Variants in CDK15 observed in about 807,000 individuals in gnomAD.
The protein encoded by CDK15 is cyclin dependent kinase 15, also known as cyclin-dependent kinase 15.
In CDK15, 62 loss-of-function variants were observed where a neutral mutation model predicts 60.3. The ratio of observed to expected loss-of-function variants is 1.03; its 90% CI spans 0.84 to 1.27. CDK15 has a LOEUF of 1.27. Among genes scored for constraint, CDK15 ranks in the 50% most tolerant of loss-of-function variants. The pLI is 0.00. For synonymous variants in CDK15, 194 were observed against 195.7 expected, an observed-to-expected ratio of 0.99 and a Z score of 0.07; for missense variants, 541 against 527.8, an observed-to-expected ratio of 1.03 and a Z score of -0.25.
chr2:201,877,654 T>G (rs1218617447), intron 11 of CDK15, among the ~76,000 whole-genome samples: 1 of 152,174 alleles, frequency 6.6e-6, no homozygotes, highest in Non-Finnish European at 1.5e-5. Flanking sequence ...AAAAAACCTC[T>G]GCCTGGACAG....
intron 10 of CDK15, among the ~76,000 whole-genome samples, chr2:201,866,462 T>C (rs1272306819): frequency 6.6e-6 from 1 of 152,196 alleles, no homozygotes; most frequent in Non-Finnish European, 1.5e-5. Flanking sequence ...TTGATTTCAC[T>C]CCACTTAGTT....
chr2:201,861,288 A>T (rs554783272), intron 10 of CDK15: 2 of 995,116 alleles, frequency 2.0e-6, no homozygotes, highest in Non-Finnish European at 2.4e-6. Context: ...GCCTGCCAAG[A>T]TCGATGCTGG....
At chr2:201,823,560 T>G in intron 5 of CDK15, 105 bp from the exon 6 acceptor site, 1 of 1,024,330 alleles carries the variant, frequency 9.8e-7, no homozygotes. Flanking sequence ...CTTAAAATTC[T>G]GTACTTCGTA....
chr2:201,849,129 T>C (rs1697795271), intron 9 of CDK15, among the ~76,000 whole-genome samples: 1 of 152,238 alleles, frequency 6.6e-6, no homozygotes, highest in Admixed American at 6.5e-5. Flanking sequence ...ATGTAGTCCC[T>C]CTGAACTTTC....
chr2:201,859,232 G>T (rs1048267535), intron 10 of CDK15, among the ~76,000 whole-genome samples: 1 of 152,196 alleles, frequency 6.6e-6, no homozygotes, highest in Non-Finnish European at 1.5e-5. Flanking sequence ...TAGCTAGAAT[G>T]GACAGGAGTT....
At chr2:201,852,216 A>G (rs1697941685) in intron 9 of CDK15, among the ~76,000 whole-genome samples, 1 of 152,206 alleles carries the variant, frequency 6.6e-6, no homozygotes, top group African/African-American at 2.4e-5. Context: ...TTTGTGTTTT[A>G]CTAAACGTAG....
chr2:201,860,747 G>A (rs1698355706), intron 10 of CDK15: 1 of 1,352,010 alleles, frequency 7.4e-7, no homozygotes, highest in Non-Finnish European at 9.8e-7. Context: ...CCAGGTGGAA[G>A]CAAGAAACAG....
intron 11 of CDK15, among the ~76,000 whole-genome samples, chr2:201,875,279 A>G (rs1220074188): frequency 6.6e-6 from 1 of 152,158 alleles, no homozygotes; most frequent in East Asian, 1.9e-4. Context: ...GGTGGGTTGG[A>G]ATGAATTTAT....
At chr2:201,854,132 T>C (rs1452500320) in intron 9 of CDK15, among the ~76,000 whole-genome samples, 14 of 151,516 alleles carry the variant, frequency 9.2e-5, no homozygotes, top group Admixed American at 9.2e-4. Flanking sequence ...CGAGATCGCA[T>C]CACTGCACTC....
At chr2:201,833,579 G>C (rs1696853941) in intron 6 of CDK15, among the ~76,000 whole-genome samples, 1 of 152,088 alleles carries the variant, frequency 6.6e-6, no homozygotes. Flanking sequence ...TTTTAAAGAA[G>C]GGTAATTCCT....
intron 12 of CDK15, among the ~76,000 whole-genome samples, chr2:201,881,745 C>T (rs147437133): frequency 2.0e-5 from 3 of 152,146 alleles, no homozygotes; most frequent in Admixed American, 6.5e-5. Flanking sequence ...CCTCTGCCCC[C>T]ACTTCAGCCC....
At chr2:201,883,717 C>T (rs112621228) in intron 12 of CDK15, among the ~76,000 whole-genome samples, 4,066 of 152,302 alleles carry the variant, frequency 0.027, 80 homozygotes, top group Non-Finnish European at 0.04. Context: ...ATTGCTTTTG[C>T]AGATGGCCAG....
At chr2:201,835,320 A>G (rs1460695023) in intron 7 of CDK15, among the ~76,000 whole-genome samples, 1 of 152,110 alleles carries the variant, frequency 6.6e-6, no homozygotes, top group Non-Finnish European at 1.5e-5. Context: ...GGAGGGAGAA[A>G]AGGGAAGCAG....
At chr2:201,822,184 C>A (rs547594605) in intron 4 of CDK15, among the ~76,000 whole-genome samples, 13 of 152,324 alleles carry the variant, frequency 8.5e-5, no homozygotes, top group Admixed American at 7.2e-4. Context: ...ACTTTCACCT[C>A]CCTGGGCTCC....
intron 4 of CDK15, among the ~76,000 whole-genome samples, chr2:201,819,468 C>T (rs757518576): frequency 1.3e-5 from 2 of 152,098 alleles, no homozygotes; most frequent in Non-Finnish European, 2.9e-5. Flanking sequence ...AATCGCAAGT[C>T]CTTTGAATTT....
chr2:201,833,980 C>T lies in CDK15; in HGVS notation c.730+9C>T. 6.2e-7 allele frequency: 1 copy of T among 1,612,796 alleles called. No homozygotes were observed. ...CAAACTGGCTGATTTTGGTAAGTCG[C>T]CCCTCGGGTCTCATTCTGGGCTGTG... is the stretch of plus-strand genomic sequence containing the variant. On this transcript the variant is annotated intron_variant, in intron 7 of 13. Transcript: ENST00000652192.
chr2:201,808,365 T>C (rs536513859), intron 3 of CDK15, among the ~76,000 whole-genome samples: 12 of 152,348 alleles, frequency 7.9e-5, no homozygotes, highest in Admixed American at 5.9e-4. Flanking sequence ...ATTTGCTGCT[T>C]CATTCCTCCA....
At chr2:201,885,063 A>G (rs1699410681) in intron 12 of CDK15, among the ~76,000 whole-genome samples, 1 of 152,196 alleles carries the variant, frequency 6.6e-6, no homozygotes, top group African/African-American at 2.4e-5. Context: ...CATACGGGCA[A>G]AGGAATGTCG....
At chr2:201,824,834 G>C in intron 6 of CDK15, 1 of 589,438 alleles carries the variant, frequency 1.7e-6, no homozygotes, top group Non-Finnish European at 2.4e-6. Flanking sequence ...TACAGCAATT[G>C]ATCAAAAAGA....
Sources: gnomAD v4.1 joint callset for allele counts (sites outside exome capture counted in the v4.1 genomes callset) on GRCh38, gnomAD v4.1.1 for gene constraint, MANE v1.5 for transcripts, NCBI Gene and HGNC (gene_info 2026-07-23, HGNC 2026-07-21) for gene names.